The following TTC28 variants were observed in gnomAD, a reference collection of about 807,000 sequenced individuals.
The protein encoded by TTC28 is tetratricopeptide repeat protein 28.
A neutral mutation model predicts 198.0 loss-of-function variants in TTC28; 61 were observed. The ratio of observed to expected loss-of-function variants is 0.31; its 90% CI spans 0.25 to 0.38. The LOEUF is 0.38. TTC28 is among the 10% of genes least tolerant of loss of function. The pLI is 1.00. For synonymous variants in TTC28, 1,171 were observed against 1,297.8 expected (o/e 0.90, Z 2.10); for missense variants, 2,678 against 3,164.0 (o/e 0.85, Z 3.69).
intron 16 of TTC28, among the ~76,000 whole-genome samples, chr22:27,996,936 C>T (rs1223815561): frequency 6.6e-6 from 1 of 152,218 alleles, no homozygotes; most frequent in Non-Finnish European, 1.5e-5. Context: ...TATCTATCAA[C>T]AAAACTAAAC....
intron 2 of TTC28, among the ~76,000 whole-genome samples, chr22:28,485,986 G>C (rs1601457456): frequency 6.6e-6 from 1 of 152,224 alleles, no homozygotes; most frequent in South Asian, 2.1e-4. Context: ...TATTGTGCTA[G>C]AAGATAATCT....
At chr22:28,184,665 T>C (rs961952851) in intron 5 of TTC28, among the ~76,000 whole-genome samples, 1 of 152,126 alleles carries the variant, frequency 6.6e-6, no homozygotes, top group East Asian at 1.9e-4. Flanking sequence ...TAACATTAAA[T>C]ATAGGTTATA....
intron 2 of TTC28, among the ~76,000 whole-genome samples, chr22:28,426,211 CAA>C (rs34448246): frequency 9.6e-4 from 82 of 85,650 alleles, no homozygotes; most frequent in Middle Eastern, 5.7e-3. Context: ...GACTCCACGT[CAA>C]AAAAAAAAAA....
At chr22:28,129,441 A>G (rs913494593) in intron 6 of TTC28, among the ~76,000 whole-genome samples, 1 of 152,196 alleles carries the variant, frequency 6.6e-6, no homozygotes, top group African/African-American at 2.4e-5. Flanking sequence ...TCTCATTCCA[A>G]GATGTTCTCA....
chr22:28,008,761 T>C (rs777579474), intron 14 of TTC28, among the ~76,000 whole-genome samples: 3 of 152,098 alleles, frequency 2.0e-5, no homozygotes, highest in Non-Finnish European at 4.4e-5. Flanking sequence ...TGAGGGGTGA[T>C]TTGGGATCTG....
chr22:28,069,362 G>T (rs1940876262), intron 12 of TTC28, among the ~76,000 whole-genome samples: 1 of 152,124 alleles, frequency 6.6e-6, no homozygotes, highest in Admixed American at 6.6e-5. Flanking sequence ...GGAGGATGTT[G>T]CAAACATCTC....
At chr22:28,545,472 G>A (rs985172439) in intron 2 of TTC28, among the ~76,000 whole-genome samples, 1 of 152,096 alleles carries the variant, frequency 6.6e-6, no homozygotes, top group Non-Finnish European at 1.5e-5. Context: ...CCAGCTACCT[G>A]TGAGGCTGAG....
At chr22:28,631,616 C>A (rs977795637) in intron 1 of TTC28, among the ~76,000 whole-genome samples, 1 of 152,044 alleles carries the variant, frequency 6.6e-6, no homozygotes, top group Non-Finnish European at 1.5e-5. Context: ...CTCAAACCTT[C>A]TGGACTCAAG....
At chr22:28,351,562 C>G (rs777921627) in intron 2 of TTC28, among the ~76,000 whole-genome samples, 1 of 151,996 alleles carries the variant, frequency 6.6e-6, no homozygotes, top group Non-Finnish European at 1.5e-5. Flanking sequence ...TTTAAATTCC[C>G]AAATACTACA....
intron 5 of TTC28, among the ~76,000 whole-genome samples, chr22:28,172,690 T>C (rs542805145): frequency 3.2e-4 from 49 of 152,314 alleles, no homozygotes; most frequent in Non-Finnish European, 6.5e-4. Context: ...TACCAGGCAG[T>C]GCTGTCAGGC....
intron 6 of TTC28, among the ~76,000 whole-genome samples, chr22:28,125,751 A>T (rs1030031225): frequency 2.6e-5 from 4 of 152,248 alleles, no homozygotes; most frequent in Non-Finnish European, 4.4e-5. Context: ...GTGATTTTTT[A>T]AAATCATTAA....
At chr22:28,160,287 C>T (rs1250027958) in intron 6 of TTC28, among the ~76,000 whole-genome samples, 1 of 152,196 alleles carries the variant, frequency 6.6e-6, no homozygotes, top group East Asian at 1.9e-4. Flanking sequence ...GATTATTTCA[C>T]ATTGCATGCC....
chr22:28,178,888 C>T (rs754788929), intron 5 of TTC28, among the ~76,000 whole-genome samples: 1 of 152,162 alleles, frequency 6.6e-6, no homozygotes, highest in Non-Finnish European at 1.5e-5. Flanking sequence ...TTCAGATCCA[C>T]ATATGTGAGA....
chr22:28,030,394 A>G (rs1375332576), intron 12 of TTC28, 28 bp from the exon 13 acceptor site: 5 of 1,551,140 alleles, frequency 3.2e-6, no homozygotes, highest in African/African-American at 2.7e-5. Flanking sequence ...GAAAAAGCCA[A>G]TCAGAGAAAG....
chr22:28,423,883 A>G (rs2146180475), intron 2 of TTC28, among the ~76,000 whole-genome samples: 1 of 152,352 alleles, frequency 6.6e-6, no homozygotes, highest in Non-Finnish European at 1.5e-5. Context: ...CAAAATCACA[A>G]ATTTTGGGAT....
intron 2 of TTC28, among the ~76,000 whole-genome samples, chr22:28,583,662 T>C (rs573007184): frequency 3.0e-4 from 45 of 152,174 alleles, no homozygotes; most frequent in African/African-American, 1.1e-3. Context: ...AACATTAATA[T>C]CCAGGAGCTT....
At chr22:28,396,789 G>T (rs144792705) in intron 2 of TTC28, among the ~76,000 whole-genome samples, 8 of 152,294 alleles carry the variant, frequency 5.3e-5, no homozygotes, top group African/African-American at 1.7e-4. Flanking sequence ...TCTCCAACCA[G>T]ACTAAACAAA....
chr22:28,662,028 C>G (rs1007565178), intron 1 of TTC28, among the ~76,000 whole-genome samples: 1 of 151,368 alleles, frequency 6.6e-6, no homozygotes, highest in African/African-American at 2.4e-5. Context: ...AAAGGAACAA[C>G]CATGCCTGGC....
intron 14 of TTC28, among the ~76,000 whole-genome samples, chr22:28,013,823 G>C (rs1035369652): frequency 6.6e-6 from 1 of 152,174 alleles, no homozygotes; most frequent in Non-Finnish European, 1.5e-5. Flanking sequence ...AGGTGGGAAA[G>C]GGCAGCCTCG....
Sources: gnomAD v4.1 joint callset for allele counts (sites outside exome capture counted in the v4.1 genomes callset) on GRCh38, gnomAD v4.1.1 for gene constraint, MANE v1.5 for transcripts, NCBI Gene and HGNC (gene_info 2026-07-23, HGNC 2026-07-21) for gene names.